The following RBFOX1 variants were observed in gnomAD, a reference collection of about 807,000 sequenced individuals.
RBFOX1 encodes RNA binding protein fox-1 homolog 1.
A neutral mutation model predicts 57.7 loss-of-function variants in RBFOX1; 8 were observed. That is an observed-to-expected ratio of 0.14 (90% CI 0.08 to 0.25). RBFOX1 has a LOEUF of 0.25. Among genes scored for constraint, RBFOX1 ranks in the 10% least tolerant of loss-of-function variants. The pLI is 1.00. For synonymous variants in RBFOX1, 326 were observed against 222.4 expected (o/e 1.47, Z -4.15); for missense variants, 611 against 548.5 (o/e 1.11, Z -1.14).
chr16:6,185,856 CT>C (rs530526476), intron 1 of RBFOX1, among the ~76,000 whole-genome samples: 26 of 152,176 alleles, frequency 1.7e-4, no homozygotes, highest in African/African-American at 6.0e-4. Flanking sequence ...ATCTTCTTTC[CT>C]TGACATCCTA....
chr16:6,503,696 T>A (rs1487217501), intron 2 of RBFOX1, among the ~76,000 whole-genome samples: 2 of 152,126 alleles, frequency 1.3e-5, no homozygotes, highest in Admixed American at 1.3e-4. Flanking sequence ...GCATCTTTCA[T>A]CCCTTCCATA....
At chr16:6,937,929 C>T (rs1236387021) in intron 3 of RBFOX1, among the ~76,000 whole-genome samples, 2 of 130,892 alleles carry the variant, frequency 1.5e-5, no homozygotes, top group Admixed American at 9.7e-5. Flanking sequence ...ATCAGTTTTT[C>T]AGCTCAACTT....
chr16:6,473,166 C>G (rs1430019444), intron 2 of RBFOX1, among the ~76,000 whole-genome samples: 2 of 152,152 alleles, frequency 1.3e-5, no homozygotes, highest in Admixed American at 6.5e-5. Flanking sequence ...GCTCTCACAG[C>G]TCTTATCCTG....
chr16:7,071,571 A>C (rs1383435755), intron 4 of RBFOX1, among the ~76,000 whole-genome samples: 1 of 145,694 alleles, frequency 6.9e-6, no homozygotes, highest in African/African-American at 2.6e-5. Context: ...TGACCCCAAC[A>C]CTAATTTGCC....
intron 1 of RBFOX1, among the ~76,000 whole-genome samples, chr16:6,248,560 A>T (rs2097583094): frequency 6.6e-6 from 1 of 152,148 alleles, no homozygotes; most frequent in Non-Finnish European, 1.5e-5. Context: ...AAGGGGGAAG[A>T]TCCCCGAGGG....
At chr16:5,884,100 AG>A in intron 4 of RBFOX1, among the ~76,000 whole-genome samples, 1 of 152,194 alleles carries the variant, frequency 6.6e-6, no homozygotes. Flanking sequence ...AATATTATCA[AG>A]GTGAGGATTA....
intron 3 of RBFOX1, among the ~76,000 whole-genome samples, chr16:5,792,948 G>C (rs2054750691): frequency 1.3e-5 from 2 of 152,240 alleles, no homozygotes; most frequent in South Asian, 4.1e-4. Context: ...GGTAGGCTGA[G>C]TAGGAGGAGG....
chr16:7,344,618 A>G (rs373684422), intron 4 of RBFOX1, among the ~76,000 whole-genome samples: 2 of 152,030 alleles, frequency 1.3e-5, no homozygotes, highest in East Asian at 1.9e-4. Flanking sequence ...TCTTGCTACT[A>G]TGACAAGTTA....
At chr16:5,723,817 C>G (rs1055716968) in intron 3 of RBFOX1, among the ~76,000 whole-genome samples, 6 of 152,204 alleles carry the variant, frequency 3.9e-5, no homozygotes, top group African/African-American at 1.4e-4. Context: ...ATGGACTGCC[C>G]TAGTCAGAAA....
At chr16:5,292,618 C>T (rs2063562508) in intron 1 of RBFOX1, among the ~76,000 whole-genome samples, 1 of 148,504 alleles carries the variant, frequency 6.7e-6, no homozygotes, top group Non-Finnish European at 1.5e-5. Flanking sequence ...GTTTGGTGTT[C>T]ATATCAGAGG....
intron 2 of RBFOX1, among the ~76,000 whole-genome samples, chr16:5,519,310 G>A (rs917538608): frequency 6.6e-6 from 1 of 152,170 alleles, no homozygotes; most frequent in Non-Finnish European, 1.5e-5. Context: ...CATGTCCTGG[G>A]GCAGTACTTT....
chr16:7,699,742 TTTAC>T (rs1187624648), intron 14 of RBFOX1, among the ~76,000 whole-genome samples: 7 of 152,212 alleles, frequency 4.6e-5, no homozygotes, highest in African/African-American at 1.7e-4. Flanking sequence ...ACCTTTTTTT[TTTAC>T]TTTTTAAAAT....
At chr16:5,897,567 T>C (rs532558709) in intron 4 of RBFOX1, among the ~76,000 whole-genome samples, 9 of 152,284 alleles carry the variant, frequency 5.9e-5, no homozygotes, top group African/African-American at 1.9e-4. Context: ...TTTGCTCCAC[T>C]TAATATAAAA....
At chr16:6,187,022 A>C (rs1377220520) in intron 1 of RBFOX1, among the ~76,000 whole-genome samples, 1 of 152,116 alleles carries the variant, frequency 6.6e-6, no homozygotes, top group African/African-American at 2.4e-5. Flanking sequence ...ATACTGTTGA[A>C]CTGTAATGAT....
At chr16:6,926,514 G>A (rs1209465138) in intron 3 of RBFOX1, among the ~76,000 whole-genome samples, 1 of 152,136 alleles carries the variant, frequency 6.6e-6, no homozygotes, top group East Asian at 1.9e-4. Flanking sequence ...CGGTGTTATA[G>A]GCTGCAGGCC....
In RBFOX1 at chr16:5,757,231, GTT is replaced by G. The variant is rs562031050; in HGVS notation, c.319-110055_319-110054del. 1.1e-3 allele frequency among the ~76,000 whole-genome samples: 144 copies of G among 127,014 alleles called. 1 individual carries two copies. The highest frequency in any genetic ancestry group is 3.8e-3 in the African/African-American group (128 of 33,844). 83.3% of individuals were successfully genotyped at this position (127,014 alleles called of 152,430 possible). A position where few individuals can be genotyped will look rare whatever the true frequency, so the allele number is the denominator to read the frequency against. On this transcript the variant is annotated intron_variant, in intron 3 of 19. Coordinates refer to the RBFOX1 transcript ENST00000641259. ...AGGTTTTTTTTGTTTTGGTTTTTGT[GTT>G]TTTTTTTTTTTTTTTTGGAGATGGA...
chr16:6,119,747 C>T (rs2096534443), intron 1 of RBFOX1, among the ~76,000 whole-genome samples: 1 of 152,314 alleles, frequency 6.6e-6, no homozygotes, highest in East Asian at 1.9e-4. Context: ...AAGCAATCCT[C>T]CCTCAGCCTC....
intron 1 of RBFOX1, chr16:5,270,913 T>G: frequency 4.8e-6 from 2 of 413,346 alleles, no homozygotes; most frequent in Non-Finnish European, 9.1e-6. Flanking sequence ...TAAAGTTGAA[T>G]GAGCTGATGG....
intron 2 of RBFOX1, among the ~76,000 whole-genome samples, chr16:6,367,236 C>T (rs2089768625): frequency 1.4e-5 from 2 of 139,132 alleles, no homozygotes; most frequent in Non-Finnish European, 3.2e-5. Flanking sequence ...TTTAGCCCTT[C>T]TTGGATTTTC....
Sources: gnomAD v4.1 joint callset for allele counts (sites outside exome capture counted in the v4.1 genomes callset) on GRCh38, gnomAD v4.1.1 for gene constraint, MANE v1.5 for transcripts, NCBI Gene and HGNC (gene_info 2026-07-23, HGNC 2026-07-21) for gene names.